The following MIER1 variants were observed in gnomAD, a reference collection of about 807,000 sequenced individuals.
The protein encoded by MIER1 is MIER1 transcriptional regulator, also known as mesoderm induction early response protein 1.
A neutral mutation model predicts 75.7 loss-of-function variants in MIER1; 40 were observed. That is an observed-to-expected ratio of 0.53 (90% CI 0.41 to 0.69). The LOEUF is 0.69. MIER1 is among the 30% of genes least tolerant of loss of function. MIER1 has a pLI of 0.00. For synonymous variants in MIER1, 213 were observed against 223.4 expected (o/e 0.95, Z 0.42); for missense variants, 574 against 680.2 (o/e 0.84, Z 1.74).
intron 8 of MIER1, among the ~76,000 whole-genome samples, chr1:66,964,730 G>T (rs974195726): frequency 3.9e-5 from 6 of 152,118 alleles, no homozygotes; most frequent in South Asian, 2.1e-4. Context: ...GGGATTATAG[G>T]CATGAGCCAC....
At position 66,925,024 on chromosome 1, in the gene MIER1, G is replaced by T; in HGVS notation, c.-5G>T. On this transcript the variant is annotated 5_prime_UTR_variant, in exon 1 of 14. The change creates a new upstream start codon in the 5' untranslated region. Coordinates refer to ENST00000401041, the MANE Select transcript of MIER1 (RefSeq NM_001077700.3). ...CCAGGCTCTGAGTCTCCCGGCTGCA[G>T]GCGGATGGATGGGGCTTCTTCAGGC... 1 of 1,546,788 alleles carries T rather than the reference G, an allele frequency of 6.5e-7. No homozygotes were observed. The highest frequency in any genetic ancestry group is 2.1e-5 in the Admixed American group (1 of 48,520).
intron 4 of MIER1, 142 bp from the exon 5 acceptor site, chr1:66,957,917 T>G: frequency 2.2e-6 from 1 of 449,228 alleles, no homozygotes; most frequent in South Asian, 7.1e-5. Flanking sequence ...ATATTTTCAG[T>G]TTTACTTTTT....
At chr1:66,944,354 A>G (rs184373012) in intron 3 of MIER1, among the ~76,000 whole-genome samples, 4 of 151,738 alleles carry the variant, frequency 2.6e-5, no homozygotes. Flanking sequence ...TTATCAGTAA[A>G]CAATGCTTTT....
At chr1:66,965,440 TTG>T (rs1390965944) in intron 8 of MIER1, among the ~76,000 whole-genome samples, 1 of 151,854 alleles carries the variant, frequency 6.6e-6, no homozygotes, top group Non-Finnish European at 1.5e-5. Context: ...GCAGTATACT[TTG>T]TTTTTTATTT....
At chr1:66,962,801 G>T (rs1216961403) in intron 7 of MIER1, among the ~76,000 whole-genome samples, 1 of 152,108 alleles carries the variant, frequency 6.6e-6, no homozygotes, top group Non-Finnish European at 1.5e-5. Context: ...TTTTGCAGTT[G>T]TCTTACTAAT....
At chr1:66,925,276 C>T (rs1651263750) in intron 1 of MIER1, 181 bp downstream of exon 1, 1 of 984,138 alleles carries the variant, frequency 1.0e-6, no homozygotes, top group Non-Finnish European at 1.2e-6. Flanking sequence ...TCTCCGCCGG[C>T]TGCCAAAGGC....
chr1:66,971,174 GTATA>G (rs1235894296), intron 9 of MIER1, among the ~76,000 whole-genome samples: 2 of 152,060 alleles, frequency 1.3e-5, no homozygotes, highest in African/African-American at 4.8e-5. Context: ...TATTTTGCCT[GTATA>G]TACTTTTCAT....
rs563088410 is a variant in MIER1, at chr1:66,988,373, G to A, written c.*3473G>A. On this transcript the variant is annotated 3_prime_UTR_variant, in exon 14 of 14. Coordinates refer to ENST00000401041, the MANE Select transcript of MIER1 (RefSeq NM_001077700.3). ...TTCATCCTTTGCAGAATCTTAAAGGGTTTTCCACACATCCATCCACCCACT... is the reference window on the plus strand; with the variant it reads ...TTCATCCTTTGCAGAATCTTAAAGGATTTTCCACACATCCATCCACCCACT... 70 of 152,048 alleles carry A rather than the reference G, an allele frequency of 4.6e-4. No individual in the cohort carries two copies. Among genetic ancestry groups the A allele is most frequent in the African/African-American group, 1.7e-3 (69 of 41,506 alleles). 9.4% of individuals were successfully genotyped at this position (152,048 alleles called of 1,614,324 possible). A position where few individuals can be genotyped will look rare whatever the true frequency, so the allele number is the denominator to read the frequency against.
At chr1:66,982,770 T>C (rs1197564686) in intron 13 of MIER1, among the ~76,000 whole-genome samples, 1 of 152,212 alleles carries the variant, frequency 6.6e-6, no homozygotes, top group African/African-American at 2.4e-5. Flanking sequence ...ATATGCTTAG[T>C]TCATTTCATG....
intron 2 of MIER1, chr1:66,929,021 C>A: frequency 9.6e-7 from 1 of 1,040,626 alleles, no homozygotes; most frequent in Non-Finnish European, 1.5e-6. Context: ...TTTATTCATG[C>A]ACAGATTATT....
At chr1:66,938,536 T>A in intron 2 of MIER1, among the ~76,000 whole-genome samples, 1 of 152,184 alleles carries the variant, frequency 6.6e-6, no homozygotes, top group East Asian at 1.9e-4. Flanking sequence ...TACTATGTAA[T>A]AATTTGTGTG....
At chr1:66,946,845 A>T (rs1019502830) in intron 4 of MIER1, 1 of 984,884 alleles carries the variant, frequency 1.0e-6, no homozygotes, top group Non-Finnish European at 1.2e-6. Context: ...ATAGTTTAAC[A>T]TTCCCTTCTT....
At chr1:66,955,590 T>C (rs1057393243) in intron 4 of MIER1, among the ~76,000 whole-genome samples, 3 of 152,100 alleles carry the variant, frequency 2.0e-5, no homozygotes, top group African/African-American at 7.2e-5. Context: ...AGCATGGCTA[T>C]GTAATTAGCT....
chr1:66,945,267 GTATATATATATATATA>G (rs66525570), intron 3 of MIER1, among the ~76,000 whole-genome samples: 47 of 141,928 alleles, frequency 3.3e-4, no homozygotes, highest in Middle Eastern at 3.6e-3. Context: ...TCTGGTGTGT[GTATATATATATATATA>G]TATATATATA....
chr1:66,937,018 AAAG>A (rs1459377727), intron 2 of MIER1, among the ~76,000 whole-genome samples: 1 of 150,798 alleles, frequency 6.6e-6, no homozygotes, highest in East Asian at 2.1e-4. Context: ...AAAAAAAAAA[AAAG>A]AGAAAAAGAA....
chr1:66,961,545 A>G (rs760250017), intron 7 of MIER1, among the ~76,000 whole-genome samples: 3 of 152,242 alleles, frequency 2.0e-5, no homozygotes, highest in Non-Finnish European at 4.4e-5. Flanking sequence ...GGAAAAAGGA[A>G]GTACCTATCT....
chr1:66,985,493 T>C lies in MIER1; in HGVS notation c.*593T>C. On this transcript the variant is annotated 3_prime_UTR_variant, in exon 14 of 14. Transcript: ENST00000401041. The stretch of plus-strand genomic sequence containing the variant: ...CCAGGTCAGGTTTGTATATGTAAAA[T>C]TGTTGACATCAATGATGTCTTTCCA... The C allele has an allele frequency of 7.1e-6, 7 of 983,236 alleles. No individual in the cohort carries two copies. Among genetic ancestry groups the C allele is most frequent in the Non-Finnish European group, 8.5e-6 (7 of 827,814 alleles). 60.9% of individuals were successfully genotyped at this position (983,236 alleles called of 1,614,324 possible).
At chr1:66,974,009 AT>A (rs1664198377) in intron 11 of MIER1, among the ~76,000 whole-genome samples, 2 of 151,892 alleles carry the variant, frequency 1.3e-5, no homozygotes, top group African/African-American at 2.4e-5. Context: ...CATATTTAAT[AT>A]TTTTTGTTAT....
At chr1:66,934,866 A>C (rs1170667662) in intron 2 of MIER1, among the ~76,000 whole-genome samples, 2 of 152,152 alleles carry the variant, frequency 1.3e-5, no homozygotes, top group African/African-American at 4.8e-5. Context: ...AGCCCTTGGC[A>C]CGGTAACCAT....
Sources: allele counts gnomAD v4.1 joint callset (sites outside exome capture counted in the v4.1 genomes callset), GRCh38; gene constraint gnomAD v4.1.1; transcripts MANE v1.5; gene names NCBI Gene and HGNC (gene_info 2026-07-23, HGNC 2026-07-21).